Variants in LEF1 observed in about 807,000 individuals in gnomAD.
LEF1 encodes the protein lymphoid enhancer binding factor 1.
In LEF1, 14 loss-of-function variants were observed where a neutral mutation model predicts 51.2. That is an observed-to-expected ratio of 0.27 (90% confidence interval 0.18 to 0.43). The LOEUF is 0.43. Among genes scored for constraint, LEF1 ranks in the 20% least tolerant of loss-of-function variants. LEF1 has a pLI of 1.00. For synonymous variants in LEF1, 185 were observed against 183.2 expected (o/e 1.01, Z -0.08); for missense variants, 386 against 512.0 (o/e 0.75, Z 2.37).
At chr4:108,111,521 T>C (rs1017441087) in intron 3 of LEF1, among the ~76,000 whole-genome samples, 7 of 152,214 alleles carry the variant, frequency 4.6e-5, no homozygotes, top group African/African-American at 7.2e-5. Context: ...AGCCACCATA[T>C]ATATTTCCAG....
chr4:108,076,725 T>C (rs1196076816), intron 8 of LEF1, among the ~76,000 whole-genome samples: 1 of 152,156 alleles, frequency 6.6e-6, no homozygotes, highest in Non-Finnish European at 1.5e-5. Context: ...CCAGGCATCA[T>C]GCCTGACCCA....
In LEF1 at chr4:108,088,395, C is replaced by A. The variant is rs3797003; in HGVS notation, c.547+730G>T. Reference sequence around the variant, plus strand: ...GTGCGCATGTGCATGCAAAGAGGAACGAGCCACCCTGAGAGCAAATCCATC... The same window carrying A: ...GTGCGCATGTGCATGCAAAGAGGAAAGAGCCACCCTGAGAGCAAATCCATC... On this transcript the variant is annotated intron_variant, in intron 4 of 11. Coordinates refer to ENST00000265165, the MANE Select transcript of LEF1 (RefSeq NM_016269.5). Among the ~76,000 whole-genome samples the A allele has an allele frequency of 3.8e-4, 58 of 152,296 alleles. 1 individual carries two copies. In the East Asian group the frequency reaches 0.011, roughly 29 times the overall value.
At chr4:108,089,609 G>A (rs777252518) in intron 3 of LEF1, among the ~76,000 whole-genome samples, 13 of 152,042 alleles carry the variant, frequency 8.6e-5, no homozygotes, top group Admixed American at 2.6e-4. Context: ...AATAAAGAGC[G>A]AATTACAGCA....
In LEF1 at chr4:108,167,752, C is replaced by T; in HGVS notation, c.16G>A (p.Gly6Arg). 6.2e-7 allele frequency: 1 copy of T among 1,613,146 alleles called. No homozygotes were observed. The highest frequency in any genetic ancestry group is 8.5e-7 in the Non-Finnish European group (1 of 1,179,990). The change falls in exon 1 of 12, where the codon GGA (glycine) becomes AGA (arginine). Residue 6 changes from glycine to arginine, a missense_variant. Gly to Arg is a moderately radical substitution (Grantham distance 125, BLOSUM62 -2). This residue lies in a region of LEF1 where 335 missense variants were observed against 390.7 expected (regional missense o/e 0.86). Coordinates refer to ENST00000265165, the MANE Select transcript of LEF1 (RefSeq NM_016269.5). This position sits in a 1 kb window ranked among gnomAD's most constrained non-coding sequence, Gnocchi z 5.7. Reference protein sequence around the residue: MPQLSGGGGGGGGDPE... With the variant: MPQLSRGGGGGGGDPE... ...TCCCCCCCGCCGCCGCCACCTCCTC[C>T]GGAGAGTTGGGGCATCCCGGCGGCT...
At chr4:108,132,777 T>A (rs193073686) in intron 3 of LEF1, among the ~76,000 whole-genome samples, 37 of 136,180 alleles carry the variant, frequency 2.7e-4, no homozygotes, top group Non-Finnish European at 4.9e-4. Flanking sequence ...CCAACCATCC[T>A]CCCCGCTCAG....
At chr4:108,140,135 G>A (rs925246059) in intron 3 of LEF1, among the ~76,000 whole-genome samples, 2 of 151,982 alleles carry the variant, frequency 1.3e-5, no homozygotes, top group Admixed American at 6.5e-5. Flanking sequence ...CTAATTTGCC[G>A]TCGAAGTCTG....
At chr4:108,074,314 C>A (rs896648517) in intron 8 of LEF1, among the ~76,000 whole-genome samples, 4 of 152,086 alleles carry the variant, frequency 2.6e-5, no homozygotes, top group Admixed American at 2.0e-4. Context: ...GGGAAAATAT[C>A]CATTTAATTT....
intron 11 of LEF1, among the ~76,000 whole-genome samples, chr4:108,051,357 G>A (rs1736978657): frequency 6.6e-6 from 1 of 152,188 alleles, no homozygotes; most frequent in African/African-American, 2.4e-5. Flanking sequence ...GGGAGACCAA[G>A]TCTTACTTCC....
intron 3 of LEF1, among the ~76,000 whole-genome samples, chr4:108,152,013 T>C (rs1308376319): frequency 6.6e-6 from 1 of 152,070 alleles, no homozygotes; most frequent in Non-Finnish European, 1.5e-5. Context: ...CTCCCTATCC[T>C]AAAGAAACTA....
At chr4:108,092,917 TAAAAAAAAAAA>T (rs71592104) in intron 3 of LEF1, among the ~76,000 whole-genome samples, 133 of 31,140 alleles carry the variant, frequency 4.3e-3, no homozygotes, top group African/African-American at 0.024. Context: ...AATGAATATG[TAAAAAAAAAAA>T]AAAAAAAAAA....
chr4:108,076,958 CA>C (rs1738902756), intron 8 of LEF1, among the ~76,000 whole-genome samples: 1 of 139,586 alleles, frequency 7.2e-6, no homozygotes, highest in Non-Finnish European at 1.5e-5. Flanking sequence ...AGCTGGGAGG[CA>C]GAGTTTGCAG....
chr4:108,155,717 C>T (rs1447579830), intron 3 of LEF1, among the ~76,000 whole-genome samples: 1 of 152,212 alleles, frequency 6.6e-6, no homozygotes, highest in Middle Eastern at 3.4e-3. Context: ...TAGACAAGCC[C>T]GATATTAATA....
At chr4:108,077,792 G>C (rs868692479) in intron 8 of LEF1, among the ~76,000 whole-genome samples, 4 of 152,398 alleles carry the variant, frequency 2.6e-5, no homozygotes, top group Middle Eastern at 6.8e-3. Context: ...CAAGTGTGAA[G>C]TGACAGCCTT....
At chr4:108,158,772 G>C (rs1243762418) in intron 3 of LEF1, among the ~76,000 whole-genome samples, 1 of 151,852 alleles carries the variant, frequency 6.6e-6, no homozygotes, top group East Asian at 1.9e-4. Context: ...GCAAGTGCTT[G>C]TGAGTCTACA....
intron 6 of LEF1, among the ~76,000 whole-genome samples, chr4:108,081,176 C>G (rs762798922): frequency 2.6e-5 from 4 of 152,192 alleles, no homozygotes; most frequent in Non-Finnish European, 5.9e-5. Context: ...ACTGATACAA[C>G]TTTCCACAAA....
intron 3 of LEF1, among the ~76,000 whole-genome samples, chr4:108,100,701 T>A (rs933838410): frequency 6.6e-6 from 1 of 152,206 alleles, no homozygotes; most frequent in Non-Finnish European, 1.5e-5. Context: ...GAGCCTGTTA[T>A]CATGTTGGTA....
intron 3 of LEF1, among the ~76,000 whole-genome samples, chr4:108,116,010 T>A (rs1164405712): frequency 6.6e-6 from 1 of 152,070 alleles, no homozygotes; most frequent in Non-Finnish European, 1.5e-5. Flanking sequence ...TCCCTGACAA[T>A]GACAGAAGGA....
At chr4:108,149,474 A>AAAAAAAAAAAAAAAAG (rs1744221089) in intron 3 of LEF1, among the ~76,000 whole-genome samples, 2 of 148,800 alleles carry the variant, frequency 1.3e-5, no homozygotes, top group Non-Finnish European at 1.5e-5. Flanking sequence ...AAAAAAAAAA[A>AAAAAAAAAAAAAAAAG]AATAGATTAT....
At chr4:108,152,472 G>A (rs992870664) in intron 3 of LEF1, among the ~76,000 whole-genome samples, 4 of 152,176 alleles carry the variant, frequency 2.6e-5, no homozygotes, top group East Asian at 1.9e-4. Flanking sequence ...GAGATCTGAC[G>A]AGAGGTGAAC....
Sources: gnomAD v4.1 joint callset for allele counts (sites outside exome capture counted in the v4.1 genomes callset) on GRCh38, gnomAD v4.1.1 for gene constraint, gnomAD v4.1.1 regional missense constraint, Gnocchi (gnomAD v3.1) non-coding constraint, MANE v1.5 for transcripts, NCBI Gene and HGNC (gene_info 2026-07-23, HGNC 2026-07-21) for gene names.